Variants in SPECC1 observed in about 807,000 individuals in gnomAD.
SPECC1 encodes cytospin-B.
A neutral mutation model predicts 104.1 loss-of-function variants in SPECC1; 62 were observed. That is an observed-to-expected ratio of 0.60 (90% CI 0.49 to 0.74). The LOEUF (loss-of-function observed/expected upper bound fraction) is 0.74. Among genes scored for constraint, SPECC1 ranks in the 30% least tolerant of loss-of-function variants. SPECC1 has a pLI of 0.00. For synonymous variants in SPECC1, 513 were observed against 501.6 expected (o/e 1.02, Z -0.30); for missense variants, 1,306 against 1,310.5 (o/e 1.00, Z 0.05).
chr17:20,253,704 T>G (rs2039716671), intron 10 of SPECC1, 118 bp downstream of exon 10: 1 of 936,496 alleles, frequency 1.1e-6, no homozygotes, highest in Admixed American at 2.2e-5. Context: ...TTGCAAGTGA[T>G]TTCAACCCCG....
In SPECC1 at chr17:20,316,320, AC is replaced by A; in HGVS notation, c.*2258del. 1 of 230,620 alleles carries A rather than the reference AC, an allele frequency of 4.3e-6. No individual in the cohort carries two copies. Among genetic ancestry groups the A allele is most frequent in the Non-Finnish European group, 8.6e-6 (1 of 116,416 alleles). 14.3% of individuals were successfully genotyped at this position (230,620 alleles called of 1,614,324 possible). ...GGGGAGGCAGTTGCTGTCTTGGGAT[AC>A]CCGGAGTGGGAGTGGGTGTTTTCTG... On this transcript the variant is annotated 3_prime_UTR_variant, in exon 15 of 15. Coordinates refer to ENST00000395527, the MANE Select transcript of SPECC1 (RefSeq NM_001243439.2).
chr17:20,237,886 G>A lies in SPECC1; in HGVS notation c.2351+5481G>A, dbSNP rs572155543. On this transcript the variant is annotated intron_variant, in intron 7 of 14. Transcript: ENST00000395527. ...GCCTCCCAAGTAGCTGGGATTACAG[G>A]CATGTGCCGTCACTCCTGGCTAATT... is the stretch of plus-strand genomic sequence containing the variant. 3.5e-5 allele frequency: 10 copies of A among 289,382 alleles called. No homozygotes were observed. The East Asian group carries it at 8.7e-4, about 25-fold the overall frequency. 17.9% of individuals were successfully genotyped at this position (289,382 alleles called of 1,614,324 possible). A position where few individuals can be genotyped will look rare whatever the true frequency, so the allele number is the denominator to read the frequency against.
chr17:20,306,021 A>G lies in SPECC1; in HGVS notation c.3058-2A>G. On this transcript the variant is annotated splice_acceptor_variant, in intron 13 of 14. Coordinates refer to ENST00000395527, the MANE Select transcript of SPECC1 (RefSeq NM_001243439.2). LOFTEE classifies it high-confidence loss of function. The stretch of plus-strand genomic sequence containing the variant: ...TCCAGTCTCTTTGTCTTTTTAACTT[A>G]GAAGAGGAATCTCTTGTTGGCATTT... The G allele has an allele frequency of 2.5e-6, 4 of 1,613,720 alleles. No individual in the cohort carries two copies. Among genetic ancestry groups the G allele is most frequent in the Non-Finnish European group, 3.4e-6 (4 of 1,179,866 alleles).
At chr17:20,180,210 C>T (rs891079954) in intron 3 of SPECC1, among the ~76,000 whole-genome samples, 2 of 151,818 alleles carry the variant, frequency 1.3e-5, no homozygotes, top group Non-Finnish European at 2.9e-5. Context: ...TTAGCAAAAG[C>T]GAGGAGAGGA....
chr17:20,187,566 G>C (rs2035363927), intron 3 of SPECC1, among the ~76,000 whole-genome samples: 1 of 152,202 alleles, frequency 6.6e-6, no homozygotes, highest in African/African-American at 2.4e-5. Flanking sequence ...GCAGAAGATG[G>C]AGAGAAATTG....
In SPECC1 at chr17:20,009,573, T is replaced by G. The variant is rs1415533908; in HGVS notation, c.-22+149T>G. 1 of 152,496 alleles carries G rather than the reference T, an allele frequency of 6.6e-6. No homozygotes were observed. The highest frequency in any genetic ancestry group is 1.5e-5 in the Non-Finnish European group (1 of 68,336). The allele number at this position is 152,496 out of a possible 1,614,324, so 9.4% of individuals were successfully genotyped here. On this transcript the variant is annotated intron_variant, in intron 1 of 14. Coordinates refer to ENST00000395527, the MANE Select transcript of SPECC1 (RefSeq NM_001243439.2). This position sits in a 1 kb window ranked among gnomAD's most constrained non-coding sequence, Gnocchi z 5.2. Reference sequence around the variant, plus strand: ...CCTTTCTGGGAAGGCGTGCTGCGTCTTCGCCGCGGGGGCCCCGGTCCCCTC... The same window carrying G: ...CCTTTCTGGGAAGGCGTGCTGCGTCGTCGCCGCGGGGGCCCCGGTCCCCTC...
chr17:20,093,080 T>C lies in SPECC1; in HGVS notation c.-21-3551T>C, dbSNP rs183977202. 3.5e-4 allele frequency among the ~76,000 whole-genome samples: 53 copies of C among 152,352 alleles called. 1 individual carries two copies. The highest frequency in any genetic ancestry group is 6.0e-4 in the Non-Finnish European group (41 of 68,032). On this transcript the variant is annotated intron_variant, in intron 1 of 14. Transcript: ENST00000395527. ...GAAGTTTCCCCACCTGTGAAATGGA[T>C]ATGTCTTAGTCTGTTCAGGCTGCTG... is the stretch of plus-strand genomic sequence containing the variant.
intron 2 of SPECC1, among the ~76,000 whole-genome samples, chr17:20,098,612 G>A (rs556038684): frequency 3.9e-4 from 59 of 152,352 alleles, no homozygotes; most frequent in African/African-American, 1.4e-3. Flanking sequence ...CCAGCCACAC[G>A]TTCTGCTGGT....
intron 3 of SPECC1, among the ~76,000 whole-genome samples, chr17:20,139,894 T>C (rs1231421880): frequency 1.3e-5 from 2 of 152,170 alleles, no homozygotes; most frequent in Admixed American, 6.5e-5. Flanking sequence ...CAGGCTGGTC[T>C]TGAACTCCTG....
At chr17:20,076,841 A>G (rs2046779183) in intron 1 of SPECC1, among the ~76,000 whole-genome samples, 1 of 151,072 alleles carries the variant, frequency 6.6e-6, no homozygotes, top group Admixed American at 6.6e-5. Flanking sequence ...TGGGGAAAAA[A>G]GAGTAAGAAA....
intron 1 of SPECC1, among the ~76,000 whole-genome samples, chr17:20,059,573 T>C (rs981655104): frequency 6.6e-6 from 1 of 151,686 alleles, no homozygotes; most frequent in Non-Finnish European, 1.5e-5. Context: ...CTTCTTCTAC[T>C]CTATGTAGCA....
intron 12 of SPECC1, among the ~76,000 whole-genome samples, chr17:20,296,522 A>G (rs2041356248): frequency 6.6e-6 from 1 of 152,198 alleles, no homozygotes; most frequent in Non-Finnish European, 1.5e-5. Flanking sequence ...TTGGTTCCAT[A>G]TGAACTTTAA....
At chr17:20,287,202 G>A (rs1171027151) in intron 12 of SPECC1, among the ~76,000 whole-genome samples, 1 of 152,180 alleles carries the variant, frequency 6.6e-6, no homozygotes, top group East Asian at 1.9e-4. Flanking sequence ...TGGATCATGA[G>A]GTCAGGATAT....
intron 14 of SPECC1, among the ~76,000 whole-genome samples, chr17:20,307,904 A>G (rs2041815359): frequency 6.6e-6 from 1 of 152,246 alleles, no homozygotes; most frequent in Admixed American, 6.5e-5. Flanking sequence ...TAATGAAACT[A>G]CAGAAAAAGC....
intron 1 of SPECC1, among the ~76,000 whole-genome samples, chr17:20,093,667 T>G (rs2047503038): frequency 6.6e-6 from 1 of 151,770 alleles, no homozygotes; most frequent in Non-Finnish European, 1.5e-5. Flanking sequence ...GTAGGAGTCC[T>G]TCCTGCAAGT....
intron 3 of SPECC1, among the ~76,000 whole-genome samples, chr17:20,201,315 A>G (rs1183003192): frequency 6.6e-6 from 1 of 151,952 alleles, no homozygotes; most frequent in Non-Finnish European, 1.5e-5. Flanking sequence ...AAAAAACAAA[A>G]AAACGAAATA....
At chr17:20,036,735 C>T (rs887906519) in intron 1 of SPECC1, among the ~76,000 whole-genome samples, 2 of 152,168 alleles carry the variant, frequency 1.3e-5, no homozygotes, top group South Asian at 4.1e-4. Context: ...TTCTATGAGA[C>T]AATCATGTCA....
At chr17:20,253,723 A>G (rs2039718037) in intron 10 of SPECC1, 137 bp downstream of exon 10, 1 of 797,486 alleles carries the variant, frequency 1.3e-6, no homozygotes, top group Non-Finnish European at 2.0e-6. Flanking sequence ...CGAATAATGT[A>G]CATATCATGA....
At chr17:20,038,403 CTTTTTTTT>C (rs10718870) in intron 1 of SPECC1, among the ~76,000 whole-genome samples, 42 of 99,340 alleles carry the variant, frequency 4.2e-4, no homozygotes, top group Non-Finnish European at 7.1e-4. Flanking sequence ...TTTTGATATT[CTTTTTTTT>C]TTTTTTTTTT....
Sources: gnomAD v4.1 joint callset for allele counts (sites outside exome capture counted in the v4.1 genomes callset) on GRCh38, gnomAD v4.1.1 for gene constraint, Gnocchi (gnomAD v3.1) non-coding constraint, MANE v1.5 for transcripts, NCBI Gene and HGNC (gene_info 2026-07-23, HGNC 2026-07-21) for gene names.